The following ACTBL2 variants were observed in gnomAD, a reference collection of about 807,000 sequenced individuals.
ACTBL2 encodes the protein actin beta like 2, also known as beta-actin-like protein 2.
Under a neutral mutation model 23.2 loss-of-function variants are expected in ACTBL2, and 29 were observed. That is an observed-to-expected ratio of 1.25 (90% CI 0.93 to 1.71). The LOEUF (loss-of-function observed/expected upper bound fraction) is 1.71, where lower values mean the gene tolerates loss of function less well. Ranked by LOEUF, ACTBL2 falls within the 40% of genes most tolerant of loss-of-function variation. ACTBL2 has a pLI of 0.00. For missense variants in ACTBL2, 524 were observed against 486.2 expected, an observed-to-expected ratio of 1.08 and a Z score of -0.73; for synonymous variants, 173 against 182.1, an observed-to-expected ratio of 0.95 and a Z score of 0.40.
Position 57,482,732 on chromosome 5 carries a change from G to A in ACTBL2, c.-25C>T, listed in dbSNP as rs759563978. On this transcript the variant is annotated 5_prime_UTR_variant, in exon 1 of 1. Transcript: ENST00000423391. ...TGGTGCTGGCTGAGATCTTCCAGACGAGTGAACAGGACAAGTGAATAGACA... is the reference window on the plus strand; with the variant it reads ...TGGTGCTGGCTGAGATCTTCCAGACAAGTGAACAGGACAAGTGAATAGACA... 9 of 1,608,650 alleles carry A rather than the reference G, an allele frequency of 5.6e-6. No individual in the cohort carries two copies. The East Asian group carries it at 1.1e-4, about 20-fold the overall frequency.
rs1745123105 is a variant in ACTBL2, at chr5:57,480,049, A to T, written c.*1528T>A. On this transcript the variant is annotated 3_prime_UTR_variant, in exon 1 of 1. Transcript: ENST00000423391. ...TATGAAGCAATTTTAATGTACTGAAAGCAAGTTATATAAAATAAAGTGTTT... is the reference window on the plus strand; with the variant it reads ...TATGAAGCAATTTTAATGTACTGAATGCAAGTTATATAAAATAAAGTGTTT... 6.6e-6 allele frequency: 1 copy of T among 152,168 alleles called. No homozygotes were observed. The highest frequency in any genetic ancestry group is 2.4e-5 in the African/African-American group (1 of 41,474). 9.4% of individuals were successfully genotyped at this position (152,168 alleles called of 1,614,324 possible). A position where few individuals can be genotyped will look rare whatever the true frequency, so the allele number is the denominator to read the frequency against.
Position 57,481,646 on chromosome 5 carries a change from C to G in ACTBL2, c.1062G>C (p.Gln354His). The change falls in exon 1 of 1, where the codon CAG becomes CAC. Residue 354 changes from glutamine (Q) to histidine (H), a missense_variant. By Grantham distance (24) the Gln-to-His change is conservative. Transcript: ENST00000423391. ...ATTCCTGCTTACTGATCCACATCTG[C>G]TGGAATGTGGACAGGCTGGCAAGGA... ...GSILASLSTF[Q>H]QMWISKQEYD... 1 of 1,614,062 alleles carries G rather than the reference C, an allele frequency of 6.2e-7. No individual in the cohort carries two copies. The highest frequency in any genetic ancestry group is 8.5e-7 in the Non-Finnish European group (1 of 1,180,020).
rs1745180493 is a variant in ACTBL2, at chr5:57,482,366, C to G, written c.342G>C (p.Lys114Asn). 2.5e-6 allele frequency: 4 copies of G among 1,613,920 alleles called. No homozygotes were observed. The highest frequency in any genetic ancestry group is 3.4e-6 in the Non-Finnish European group (4 of 1,180,026). Residue 114 changes from lysine to asparagine, a missense_variant, in exon 1 of 1, where the codon AAG becomes AAC. Physicochemically the swap from Lys to Asn is moderately conservative, Grantham distance 94. Coordinates refer to ENST00000423391, the MANE Select transcript of ACTBL2 (RefSeq NM_001017992.4). The stretch of plus-strand genomic sequence containing the variant: ...TCTGAGTCATCTTTTCCCGGTTGAT[C>G]TTGGGGTTCAGGGGTGCCTCGGTGA... The part of the protein sequence containing the change: ...ILLTEAPLNP[K>N]INREKMTQIM...
In ACTBL2 at chr5:57,481,301, T is replaced by G; in HGVS notation, c.*276A>C. 1 of 324,836 alleles carries G rather than the reference T, an allele frequency of 3.1e-6. No homozygotes were observed. Among genetic ancestry groups the G allele is most frequent in the East Asian group, 4.9e-5 (1 of 20,224 alleles). 20.1% of individuals were successfully genotyped at this position (324,836 alleles called of 1,614,324 possible). On this transcript the variant is annotated 3_prime_UTR_variant, in exon 1 of 1. Coordinates refer to ENST00000423391, the MANE Select transcript of ACTBL2 (RefSeq NM_001017992.4). ...ATGACATTTCTCGTGATTTTACTCC[T>G]TGTCACTTATATGTATTTAAGCTGG...
rs749694409 is a variant in ACTBL2 at position 57,482,407 on chromosome 5, C to T, written c.301G>A (p.Glu101Lys). Residue 101 changes from glutamate (E) to lysine (K), a missense_variant, in exon 1 of 1, where the codon GAG becomes AAG. By Grantham distance (56) the Glu-to-Lys change is moderately conservative (BLOSUM62 1). Coordinates refer to ENST00000423391, the MANE Select transcript of ACTBL2 (RefSeq NM_001017992.4). The stretch of plus-strand genomic sequence containing the variant: ...GCCTCGGTGAGGAGGATGGGATGCT[C>T]ATCTGGTGCCACACGGAGCTCATTG... ...FYNELRVAPD[E>K]HPILLTEAPL... The T allele has an allele frequency of 3.4e-5, 55 of 1,613,978 alleles. No homozygotes were observed. The highest frequency in any genetic ancestry group is 2.3e-4 in the Admixed American group (14 of 59,994).
In ACTBL2 at chr5:57,482,413, G is replaced by A. The variant is rs905848404; in HGVS notation, c.295C>T (p.Pro99Ser). ...HTFYNELRVA[P>S]DEHPILLTEA... Reference sequence around the variant, plus strand: ...GTGAGGAGGATGGGATGCTCATCTGGTGCCACACGGAGCTCATTGTAGAAT... The same window carrying A: ...GTGAGGAGGATGGGATGCTCATCTGATGCCACACGGAGCTCATTGTAGAAT... The change falls in exon 1 of 1, where the codon CCA becomes TCA. Residue 99 changes from proline to serine, a missense_variant. By Grantham distance (74) the Pro-to-Ser change is moderately conservative. Coordinates refer to ENST00000423391, the MANE Select transcript of ACTBL2 (RefSeq NM_001017992.4). The A allele has an allele frequency of 1.9e-6, 3 of 1,613,994 alleles. No individual in the cohort carries two copies. Among genetic ancestry groups the A allele is most frequent in the Admixed American group, 1.7e-5 (1 of 60,004 alleles).
In ACTBL2 at chr5:57,482,266, G is replaced by C; in HGVS notation, c.442C>G (p.Arg148Gly). Reference sequence around the variant, plus strand: ...GAATCCATCACGATGCCTGTGGTCCGTCCTGAGGCATAGAGGGACAGCACA... The same window carrying C: ...GAATCCATCACGATGCCTGTGGTCCCTCCTGAGGCATAGAGGGACAGCACA... ...QAVLSLYASG[R>G]TTGIVMDSGD... Residue 148 changes from arginine to glycine, a missense_variant, in exon 1 of 1, where the codon CGG becomes GGG. Arg to Gly is a moderately radical substitution (Grantham distance 125). Coordinates refer to ENST00000423391, the MANE Select transcript of ACTBL2 (RefSeq NM_001017992.4). 6.2e-7 allele frequency: 1 copy of C among 1,614,074 alleles called. No homozygotes were observed. Among genetic ancestry groups the C allele is most frequent in the Non-Finnish European group, 8.5e-7 (1 of 1,180,022 alleles).
Position 57,481,667 on chromosome 5 carries a change from A to T in ACTBL2, c.1041T>A (p.Leu347=), listed in dbSNP as rs1480523519. Residue 347 remains leucine (L), a synonymous_variant, in exon 1 of 1, where the codon CTT becomes CTA. Transcript: ENST00000423391. The stretch of plus-strand genomic sequence containing the variant: ...TCTGCTGGAATGTGGACAGGCTGGC[A>T]AGGATGGAGCCCCCAATCCAAACAG... The part of the protein sequence containing the change: ...KYSVWIGGSI[L]ASLSTFQQMW... 1.9e-6 allele frequency: 3 copies of T among 1,614,094 alleles called. No individual in the cohort carries two copies. The highest frequency in any genetic ancestry group is 4.5e-5 in the East Asian group (2 of 44,864).
Position 57,481,931 on chromosome 5 carries a change from A to G in ACTBL2, c.777T>C (p.Pro259=). ...GAAAGGAAGGCTGGAAAATGGCTTC[A>G]GGGCATCGGAAGCGTTCATTCCCAA... ...ITIGNERFRC[P]EAIFQPSFLG... The change falls in exon 1 of 1, where the codon CCT becomes CCC. Residue 259 remains proline, a synonymous_variant. Transcript: ENST00000423391. The G allele has an allele frequency of 6.2e-7, 1 of 1,614,148 alleles. No individual in the cohort carries two copies. The highest frequency in any genetic ancestry group is 8.5e-7 in the Non-Finnish European group (1 of 1,180,036).
At position 57,482,235 on chromosome 5, in the gene ACTBL2, T is replaced by C. The variant is rs1418777467; in HGVS notation, c.473A>G (p.Asp158Gly). Residue 158 changes from aspartate to glycine, a missense_variant, in exon 1 of 1, where the codon GAT becomes GGT. Physicochemically the swap from Asp to Gly is moderately conservative, Grantham distance 94 (BLOSUM62 -1). Transcript: ENST00000423391. ...GATGGGCACGATGTGAGTGACCCCA[T>C]CCCCAGAATCCATCACGATGCCTGT... ...RTTGIVMDSG[D>G]GVTHIVPIYE... 1.2e-6 allele frequency: 2 copies of C among 1,614,006 alleles called. No individual in the cohort carries two copies. The highest frequency in any genetic ancestry group is 2.2e-5 in the East Asian group (1 of 44,856).
chr5:57,482,182 T>C lies in ACTBL2; in HGVS notation c.526A>G (p.Ile176Val). The part of the protein sequence containing the change: ...IYEGYALPHA[I>V]LRLDLAGRDL... ...CTCCCTGCCAGATCCAGGCGTAGAATGGCATGAGGCAGGGCATAACCTTCA... is the reference window on the plus strand; with the variant it reads ...CTCCCTGCCAGATCCAGGCGTAGAACGGCATGAGGCAGGGCATAACCTTCA... Residue 176 changes from isoleucine (I) to valine (V), a missense_variant, in exon 1 of 1, where the codon ATT (isoleucine) becomes GTT (valine). Physicochemically the swap from Ile to Val is conservative, Grantham distance 29 (BLOSUM62 3). Transcript: ENST00000423391. The C allele has an allele frequency of 6.2e-7, 1 of 1,614,112 alleles. No individual in the cohort carries two copies. The highest frequency in any genetic ancestry group is 8.5e-7 in the Non-Finnish European group (1 of 1,180,032).
Position 57,482,441 on chromosome 5 carries a change from G to A in ACTBL2, c.267C>T (p.His89=), listed in dbSNP as rs1745184015. ...CCACACGGAGCTCATTGTAGAATGT[G>A]TGGTACCAGATCTTTTCCATATCGT... ...NWDDMEKIWY[H]TFYNELRVAP... The change falls in exon 1 of 1, where the codon CAC becomes CAT. Residue 89 remains histidine (H), a synonymous_variant. Coordinates refer to ENST00000423391, the MANE Select transcript of ACTBL2 (RefSeq NM_001017992.4). The A allele has an allele frequency of 1.2e-6, 2 of 1,614,010 alleles. No homozygotes were observed. Among genetic ancestry groups the A allele is most frequent in the Non-Finnish European group, 1.7e-6 (2 of 1,180,030 alleles).
chr5:57,482,515 C>A lies in ACTBL2; in HGVS notation c.193G>T (p.Val65Phe). The A allele has an allele frequency of 6.2e-7, 1 of 1,614,072 alleles. No individual in the cohort carries two copies. Among genetic ancestry groups the A allele is most frequent in the South Asian group, 1.1e-5 (1 of 91,032 alleles). ...VGDEAQSKRGVLTLKYPIEHG... is the reference protein window; with the variant it reads ...VGDEAQSKRGFLTLKYPIEHG... ...TCGATAGGATACTTCAGGGTCAGGA[C>A]GCCTCTCTTGCTCTGAGCCTCATCT... Residue 65 changes from valine (V) to phenylalanine (F), a missense_variant, in exon 1 of 1, where the codon GTC becomes TTC. Transcript: ENST00000423391.
In ACTBL2 at chr5:57,481,836, C is replaced by T. The variant is rs772946454; in HGVS notation, c.872G>A (p.Arg291His). Residue 291 changes from arginine (R) to histidine (H), a missense_variant, in exon 1 of 1, where the codon CGC (arginine) becomes CAC (histidine). By Grantham distance (29) the Arg-to-His change is conservative. Coordinates refer to ENST00000423391, the MANE Select transcript of ACTBL2 (RefSeq NM_001017992.4). The stretch of plus-strand genomic sequence containing the variant: ...CACGGTGTTGGCATAGAGATCCTTG[C>T]GAATATCCACATCGCACTTCATGAT... ...NSIMKCDVDI[R>H]KDLYANTVLS... 6.2e-7 allele frequency: 1 copy of T among 1,614,044 alleles called. No homozygotes were observed. The highest frequency in any genetic ancestry group is 1.7e-5 in the Admixed American group (1 of 60,014).
Position 57,481,480 on chromosome 5 carries a change from C to A in ACTBL2, c.*97G>T, listed in dbSNP as rs979415628. ...TGCTGGTTTACACTAGGAAGAGTGA[C>A]GTATTTACCTCGATTCTACTGAAAG... On this transcript the variant is annotated 3_prime_UTR_variant, in exon 1 of 1. Coordinates refer to ENST00000423391, the MANE Select transcript of ACTBL2 (RefSeq NM_001017992.4). The A allele has an allele frequency of 2.1e-6, 3 of 1,428,164 alleles. No homozygotes were observed. Among genetic ancestry groups the A allele is most frequent in the Non-Finnish European group, 1.9e-6 (2 of 1,053,336 alleles). The allele number at this position is 1,428,164 out of a possible 1,614,324, so 88.5% of individuals were successfully genotyped here. A position where few individuals can be genotyped will look rare whatever the true frequency, so the allele number is the denominator to read the frequency against.
chr5:57,482,375 CA>C lies in ACTBL2; in HGVS notation c.332del (p.Leu111ArgfsTer10). The C allele has an allele frequency of 3.7e-6, 6 of 1,614,006 alleles. No homozygotes were observed. Among genetic ancestry groups the C allele is most frequent in the Non-Finnish European group, 5.1e-6 (6 of 1,180,010 alleles). ...EHPILLTEAP[L>X]NPKINREKMT... The stretch of plus-strand genomic sequence containing the variant: ...TCTTTTCCCGGTTGATCTTGGGGTT[CA>C]GGGGTGCCTCGGTGAGGAGGATGGG... On this transcript the variant is annotated frameshift_variant, in exon 1 of 1. Transcript: ENST00000423391. LOFTEE classifies it high-confidence loss of function.
rs777993909 is a variant in ACTBL2 at position 57,482,071 on chromosome 5, C to CA, written c.636dup (p.Val213CysfsTer13). Reference sequence around the variant, plus strand: ...GCTACGTAGCACAGCTTCTCTTTGACATCTCGCACAATCTCCCGCTCAGCA... The same window carrying CA: ...GCTACGTAGCACAGCTTCTCTTTGACAATCTCGCACAATCTCCCGCTCAGCA... On this transcript the variant is annotated frameshift_variant, in exon 1 of 1. Coordinates refer to ENST00000423391, the MANE Select transcript of ACTBL2 (RefSeq NM_001017992.4). LOFTEE classifies it high-confidence loss of function. 3 of 1,613,978 alleles carry CA rather than the reference C, an allele frequency of 1.9e-6. No homozygotes were observed. The highest frequency in any genetic ancestry group is 2.7e-5 in the African/African-American group (2 of 74,902).
chr5:57,481,029 C>T lies in ACTBL2; in HGVS notation c.*548G>A, dbSNP rs963316587. 6.5e-6 allele frequency: 1 copy of T among 152,880 alleles called. No individual in the cohort carries two copies. The highest frequency in any genetic ancestry group is 1.5e-5 in the Non-Finnish European group (1 of 68,578). The allele number at this position is 152,880 out of a possible 1,614,324, so 9.5% of individuals were successfully genotyped here. ...CATTAGCTGTTCAGATAGCTAGATA[C>T]ATCAGCATATTTCACAATATATTTT... On this transcript the variant is annotated 3_prime_UTR_variant, in exon 1 of 1. Transcript: ENST00000423391.
rs1048286161 is a variant in ACTBL2, at chr5:57,482,549, G to C, written c.159C>G (p.Cys53Trp). 1 of 1,613,940 alleles carries C rather than the reference G, an allele frequency of 6.2e-7. No individual in the cohort carries two copies. Among genetic ancestry groups the C allele is most frequent in the African/African-American group, 1.3e-5 (1 of 74,910 alleles). ...GVMVGMGQKDCYVGDEAQSKR... is the reference protein window; with the variant it reads ...GVMVGMGQKDWYVGDEAQSKR... ...TGCTCTGAGCCTCATCTCCCACGTAGCAGTCCTTCTGGCCCATGCCTACCA... is the reference window on the plus strand; with the variant it reads ...TGCTCTGAGCCTCATCTCCCACGTACCAGTCCTTCTGGCCCATGCCTACCA... Residue 53 changes from cysteine (C) to tryptophan (W), a missense_variant, in exon 1 of 1, where the codon TGC becomes TGG. Coordinates refer to ENST00000423391, the MANE Select transcript of ACTBL2 (RefSeq NM_001017992.4).
Sources: allele counts gnomAD v4.1 joint callset, GRCh38; gene constraint gnomAD v4.1.1; transcripts MANE v1.5; gene names NCBI Gene and HGNC (gene_info 2026-07-23, HGNC 2026-07-21).